The following INVS variants were observed in gnomAD, a reference collection of about 807,000 sequenced individuals.
The protein encoded by INVS is inversin.
Under a neutral mutation model 108.8 loss-of-function variants are expected in INVS, and 86 were observed. The ratio of observed to expected loss-of-function variants is 0.79; its 90% confidence interval spans 0.66 to 0.95. The LOEUF is 0.95. Among genes scored for constraint, INVS ranks in the 40% least tolerant of loss-of-function variants. INVS has a pLI of 0.00. For missense variants in INVS, 1,169 were observed against 1,297.4 expected, an observed-to-expected ratio of 0.90 and a Z score of 1.52; for synonymous variants, 455 against 473.5, an observed-to-expected ratio of 0.96 and a Z score of 0.51.
rs1302372540 is a variant in INVS at position 100,131,970 on chromosome 9, T to C, written c.273+5421T>C. On this transcript the variant is annotated intron_variant, in intron 3 of 16. Coordinates refer to ENST00000262457, the MANE Select transcript of INVS (RefSeq NM_014425.5). ...CTTATACCAGGTAACACTATTAGGT[T>C]TTCTTATTTTGCAGATGCACACACA... 7 of 900,506 alleles carry C rather than the reference T, an allele frequency of 7.8e-6. No homozygotes were observed. In the African/African-American group the frequency reaches 1.3e-4, roughly 16 times the overall value. 55.8% of individuals were successfully genotyped at this position (900,506 alleles called of 1,614,324 possible). A position where few individuals can be genotyped will look rare whatever the true frequency, so the allele number is the denominator to read the frequency against.
chr9:100,232,688 C>G (rs1022038457), intron 5 of INVS, among the ~76,000 whole-genome samples: 10 of 151,952 alleles, frequency 6.6e-5, no homozygotes, highest in African/African-American at 2.4e-4. Context: ...ATTTCTGAGG[C>G]CTCTGTTCTG....
Position 100,292,712 on chromosome 9 carries a change from G to A in INVS, c.2455G>A (p.Val819Ile), listed in dbSNP as rs766203663. 6.2e-7 allele frequency: 1 copy of A among 1,614,140 alleles called. No individual in the cohort carries two copies. Among genetic ancestry groups the A allele is most frequent in the East Asian group, 2.2e-5 (1 of 44,878 alleles). The change falls in exon 14 of 17, where the codon GTC becomes ATC. Residue 819 changes from valine (V) to isoleucine (I), a missense_variant. By Grantham distance (29) the Val-to-Ile change is conservative. Transcript: ENST00000262457. ...CCCTGGCAGTGCCCGGGGGGAGGCG[G>A]TCCATGCTGGGCAGAATCCTCCCCA... ...SRPGSARGEA[V>I]HAGQNPPHHR...
chr9:100,175,554 G>A (rs1342367093), intron 3 of INVS: 3 of 728,908 alleles, frequency 4.1e-6, no homozygotes, highest in East Asian at 2.6e-5. Flanking sequence ...CTACAAACAG[G>A]TTAAGACTTG....
intron 2 of INVS, among the ~76,000 whole-genome samples, chr9:100,122,725 A>G (rs1827766243): frequency 1.3e-5 from 2 of 151,600 alleles, no homozygotes; most frequent in South Asian, 2.1e-4. Flanking sequence ...CTGGGACTAC[A>G]GGCACCTGCC....
In INVS at chr9:100,292,705, G is replaced by A; in HGVS notation, c.2448G>A (p.Gly816=). ...CTAGCCGCCCTGGCAGTGCCCGGGG[G>A]GAGGCGGTCCATGCTGGGCAGAATC... ...AGSSRPGSAR[G]EAVHAGQNPP... Residue 816 remains glycine (G), a synonymous_variant, in exon 14 of 17, where the codon GGG becomes GGA. Transcript: ENST00000262457. 6.2e-7 allele frequency: 1 copy of A among 1,614,182 alleles called. No individual in the cohort carries two copies. The highest frequency in any genetic ancestry group is 8.5e-7 in the Non-Finnish European group (1 of 1,180,036).
intron 3 of INVS, among the ~76,000 whole-genome samples, chr9:100,141,820 G>A (rs1271239421): frequency 6.6e-6 from 1 of 152,232 alleles, no homozygotes. Context: ...GAGGTTCTAA[G>A]AGACGGGCTA....
intron 7 of INVS, among the ~76,000 whole-genome samples, chr9:100,244,127 A>C (rs1430217264): frequency 1.3e-5 from 2 of 152,138 alleles, no homozygotes; most frequent in Non-Finnish European, 2.9e-5. Flanking sequence ...ATCTTCACAC[A>C]CTTCCTACTC....
chr9:100,108,336 T>G (rs1476434571), intron 2 of INVS, among the ~76,000 whole-genome samples: 1 of 152,202 alleles, frequency 6.6e-6, no homozygotes, highest in Non-Finnish European at 1.5e-5. Flanking sequence ...TCATCTTGTC[T>G]GAGGAACTTC....
In INVS at chr9:100,284,490, G is replaced by T. The variant is rs779561274; in HGVS notation, c.1955G>T (p.Gly652Val). The change falls in exon 13 of 17, where the codon GGC becomes GTC. Residue 652 changes from glycine (G) to valine (V), a missense_variant. This residue lies in a region of INVS where 533 missense variants were observed against 536.0 expected (regional missense o/e 0.99). Transcript: ENST00000262457. ...CCTCCTGCTGGCAACGTGGCCCAAG[G>T]CCCTGAGCCAAGAGACAGCAGAGGA... ...KQPPAGNVAQ[G>V]PEPRDSRGSP... 6.2e-7 allele frequency: 1 copy of T among 1,614,036 alleles called. No individual in the cohort carries two copies. The highest frequency in any genetic ancestry group is 8.5e-7 in the Non-Finnish European group (1 of 1,180,018).
chr9:100,281,250 A>G (rs1048896290), intron 12 of INVS, among the ~76,000 whole-genome samples: 1 of 152,180 alleles, frequency 6.6e-6, no homozygotes, highest in Non-Finnish European at 1.5e-5. Flanking sequence ...AGCCTTGGGT[A>G]AGTCACTTAC....
At chr9:100,222,495 A>G (rs1831183220) in intron 3 of INVS, among the ~76,000 whole-genome samples, 1 of 152,224 alleles carries the variant, frequency 6.6e-6, no homozygotes, top group Non-Finnish European at 1.5e-5. Flanking sequence ...AACAAGGCTC[A>G]ATGAATATTT....
intron 10 of INVS, among the ~76,000 whole-genome samples, chr9:100,258,399 A>T (rs573816497): frequency 6.6e-6 from 1 of 152,290 alleles, no homozygotes; most frequent in African/African-American, 2.4e-5. Context: ...TCTGAAGCCT[A>T]CTTCTGTCGA....
At chr9:100,177,662 A>C (rs181146120) in intron 3 of INVS, among the ~76,000 whole-genome samples, 5 of 152,320 alleles carry the variant, frequency 3.3e-5, no homozygotes, top group Non-Finnish European at 5.9e-5. Flanking sequence ...TCTGCCTGGG[A>C]CAGAGCACCT....
chr9:100,240,199 A>G lies in INVS; in HGVS notation c.755A>G (p.Asp252Gly), dbSNP rs778929163. 5 of 1,614,030 alleles carry G rather than the reference A, an allele frequency of 3.1e-6. No homozygotes were observed. The highest frequency in any genetic ancestry group is 4.2e-6 in the Non-Finnish European group (5 of 1,179,960). The change falls in exon 6 of 17, where the codon GAT (aspartate) becomes GGT (glycine). Residue 252 changes from aspartate (D) to glycine (G), a missense_variant. Transcript: ENST00000262457. ...SYESCNITSY[D>G]NLFRTPLHWA... Reference sequence around the variant, plus strand: ...GAAAGCTGCAATATAACGTCTTATGATAACTTATTTCGAACCCCACTGCAC... The same window carrying G: ...GAAAGCTGCAATATAACGTCTTATGGTAACTTATTTCGAACCCCACTGCAC...
chr9:100,273,207 G>A (rs552950175), intron 12 of INVS, 131 bp downstream of exon 12: 11 of 742,334 alleles, frequency 1.5e-5, no homozygotes, highest in Middle Eastern at 3.5e-4. Flanking sequence ...CCCTGCAACC[G>A]GTCATCTTCC....
At chr9:100,101,033 ATT>A (rs1227140982) in intron 1 of INVS, among the ~76,000 whole-genome samples, 2 of 106,596 alleles carry the variant, frequency 1.9e-5, no homozygotes, top group African/African-American at 3.6e-5. Flanking sequence ...TATTATATAT[ATT>A]ATATATGTGT....
intron 3 of INVS, among the ~76,000 whole-genome samples, chr9:100,155,593 C>T (rs1233648976): frequency 2.0e-5 from 3 of 152,194 alleles, no homozygotes; most frequent in Non-Finnish European, 2.9e-5. Flanking sequence ...CCACCTTGGC[C>T]TCCCAAAGTG....
At position 100,226,074 on chromosome 9, in the gene INVS, T is replaced by C. The variant is rs375188577; in HGVS notation, c.286T>C (p.Phe96Leu). The C allele has an allele frequency of 2.4e-5, 39 of 1,612,394 alleles. No individual in the cohort carries two copies. The highest frequency in any genetic ancestry group is 1.6e-4 in the Middle Eastern group (1 of 6,064). The part of the protein sequence containing the change: ...HLAAQKGNYR[F>L]MKLLLTRRAN... ...GTTTTTTATTTAGGGAAATTATCGT[T>C]TCATGAAACTCTTACTTACACGCAG... Residue 96 changes from phenylalanine to leucine, a missense_variant, in exon 4 of 17, where the codon TTC becomes CTC. Transcript: ENST00000262457.
At chr9:100,212,647 T>G (rs1394975900) in intron 3 of INVS, among the ~76,000 whole-genome samples, 1 of 152,204 alleles carries the variant, frequency 6.6e-6, no homozygotes, top group African/African-American at 2.4e-5. Context: ...ACCCTCTATC[T>G]GGTAGCCATT....
Sources: allele counts gnomAD v4.1 joint callset (sites outside exome capture counted in the v4.1 genomes callset), GRCh38; gene constraint gnomAD v4.1.1; regional missense constraint gnomAD v4.1.1; transcripts MANE v1.5; gene names NCBI Gene and HGNC (gene_info 2026-07-23, HGNC 2026-07-21).